The following SESTD1 variants were observed in gnomAD, a reference collection of about 807,000 sequenced individuals.
The protein encoded by SESTD1 is SEC14 domain and spectrin repeat-containing protein 1.
In SESTD1, 43 loss-of-function variants were observed where a neutral mutation model predicts 101.7. The ratio of observed to expected loss-of-function variants is 0.42; its 90% CI spans 0.33 to 0.55. The LOEUF (loss-of-function observed/expected upper bound fraction) is 0.55. Ranked by LOEUF, SESTD1 falls within the 20% of genes least tolerant of loss-of-function variation. The probability of loss-of-function intolerance (pLI) is 0.07; values close to 1 mark genes in which losing one functional copy is unlikely to be tolerated. For missense variants in SESTD1, 647 were observed against 815.1 expected (o/e 0.79, Z 2.51); for synonymous variants, 283 against 286.8 (o/e 0.99, Z 0.13).
intron 9 of SESTD1, among the ~76,000 whole-genome samples, chr2:179,140,593 CA>C (rs1392342340): frequency 6.6e-5 from 10 of 152,230 alleles, no homozygotes; most frequent in Admixed American, 1.3e-4. Flanking sequence ...CCTCGCAAAG[CA>C]ATACAACCCC....
chr2:179,175,052 A>G (rs1030259958), intron 4 of SESTD1, among the ~76,000 whole-genome samples: 5 of 152,212 alleles, frequency 3.3e-5, no homozygotes, highest in Admixed American at 1.3e-4. Context: ...CCACCTCAGC[A>G]GACACATGCC....
chr2:179,150,489 C>T (rs934015590), intron 6 of SESTD1, among the ~76,000 whole-genome samples: 29 of 151,682 alleles, frequency 1.9e-4, no homozygotes, highest in Admixed American at 1.9e-3. Context: ...TTTAAATATC[C>T]TCTGAAAATG....
chr2:179,111,397 A>G (rs1670251726), intron 17 of SESTD1, among the ~76,000 whole-genome samples: 2 of 152,220 alleles, frequency 1.3e-5, no homozygotes, highest in Non-Finnish European at 2.9e-5. Context: ...AGTACTTTAT[A>G]CTTATTTAGC....
chr2:179,194,055 T>C (rs1022887965), intron 1 of SESTD1, among the ~76,000 whole-genome samples: 20 of 152,208 alleles, frequency 1.3e-4, no homozygotes, highest in Admixed American at 1.2e-3. Flanking sequence ...ACTGGCTCTT[T>C]TGACATTTTG....
At position 179,126,942 on chromosome 2, in the gene SESTD1, C is replaced by G. The variant is rs78495393; in HGVS notation, c.973-2384G>C. ...CTAATGCCTCCATCTATCAGCCCCC[C>G]GCCTTCCATTTTCATTGCTAGTCTC... On this transcript the variant is annotated intron_variant, in intron 10 of 17. Coordinates refer to ENST00000428443, the MANE Select transcript of SESTD1 (RefSeq NM_178123.5). Among the ~76,000 whole-genome samples the G allele has an allele frequency of 8.5e-3, 1,299 of 152,288 alleles. 10 individuals carry two copies. The highest frequency in any genetic ancestry group is 0.029 in the African/African-American group (1,211 of 41,550).
At position 179,223,102 on chromosome 2, in the gene SESTD1, A is replaced by C. The variant is rs181924426; in HGVS notation, c.-25-31236T>G. Among the ~76,000 whole-genome samples the C allele has an allele frequency of 2.0e-3, 301 of 152,312 alleles. 1 individual carries two copies. Among genetic ancestry groups the C allele is most frequent in the African/African-American group, 6.7e-3 (279 of 41,564 alleles). The stretch of plus-strand genomic sequence containing the variant: ...CACATCCATATAATAGGATACCATT[A>C]GGCAATACAAATGAATGAAAACGCT... On this transcript the variant is annotated intron_variant, in intron 1 of 17. Coordinates refer to ENST00000428443, the MANE Select transcript of SESTD1 (RefSeq NM_178123.5).
chr2:179,234,942 C>CT (rs2047044893), intron 1 of SESTD1, among the ~76,000 whole-genome samples: 1 of 140,496 alleles, frequency 7.1e-6, no homozygotes, highest in Non-Finnish European at 1.5e-5. Flanking sequence ...GATCTCATCT[C>CT]TTTAAAAAAA....
In SESTD1 at chr2:179,154,968, G is replaced by A. The variant is rs112011865; in HGVS notation, c.370-3577C>T. ...CAATAATCAATCATATCAGCAATCC[G>A]TATTACTGATTTCTAGCTCACTGTA... On this transcript the variant is annotated intron_variant, in intron 5 of 17. Coordinates refer to ENST00000428443, the MANE Select transcript of SESTD1 (RefSeq NM_178123.5). Among the ~76,000 whole-genome samples the A allele has an allele frequency of 2.2e-3, 330 of 152,168 alleles. 6 individuals are homozygous for A. The highest frequency in any genetic ancestry group is 7.5e-3 in the African/African-American group (312 of 41,520).
At chr2:179,191,753 A>T (rs758284348) in intron 2 of SESTD1, 34 bp downstream of exon 2, 1 of 1,571,980 alleles carries the variant, frequency 6.4e-7, no homozygotes, top group South Asian at 1.1e-5. Context: ...AAGTTTGTAT[A>T]TCAAACACTT....
intron 9 of SESTD1, among the ~76,000 whole-genome samples, 160 bp from the exon 10 acceptor site, chr2:179,132,586 A>G (rs1322241324): frequency 1.3e-5 from 2 of 152,270 alleles, no homozygotes; most frequent in Non-Finnish European, 2.9e-5. Context: ...GGAACTACAC[A>G]GCTATAATGT....
intron 1 of SESTD1, among the ~76,000 whole-genome samples, chr2:179,198,646 G>C (rs888716353): frequency 2.0e-5 from 3 of 151,776 alleles, no homozygotes; most frequent in Admixed American, 6.6e-5. Flanking sequence ...TCAGGATTAA[G>C]AATCTCACTC....
At chr2:179,136,259 C>T (rs574206239) in intron 9 of SESTD1, among the ~76,000 whole-genome samples, 9 of 152,164 alleles carry the variant, frequency 5.9e-5, no homozygotes, top group Admixed American at 1.3e-4. Flanking sequence ...ATATGTAAGA[C>T]AGCACATTAA....
In SESTD1 at chr2:179,192,873, T is replaced by C. The variant is rs942891314; in HGVS notation, c.-25-1007A>G. Among the ~76,000 whole-genome samples, 4 of 152,292 alleles carry C rather than the reference T, an allele frequency of 2.6e-5. No homozygotes were observed. The South Asian group carries it at 8.3e-4, about 32-fold the overall frequency. The stretch of plus-strand genomic sequence containing the variant: ...TTATCCCTTCCTCCCCTATCCCATC[T>C]CACACCCACCCACCATCACAACACA... On this transcript the variant is annotated intron_variant, in intron 1 of 17. Transcript: ENST00000428443.
chr2:179,187,688 C>A (rs1343937512), intron 2 of SESTD1, among the ~76,000 whole-genome samples: 1 of 152,060 alleles, frequency 6.6e-6, no homozygotes, highest in East Asian at 1.9e-4. Context: ...AGAGACCCAT[C>A]TCACATGTAA....
At chr2:179,139,496 T>C (rs1366377404) in intron 9 of SESTD1, among the ~76,000 whole-genome samples, 1 of 152,250 alleles carries the variant, frequency 6.6e-6, no homozygotes, top group Non-Finnish European at 1.5e-5. Context: ...CAGTTTCACC[T>C]GCTTCCTCAT....
intron 1 of SESTD1, among the ~76,000 whole-genome samples, chr2:179,235,679 C>T (rs963627187): frequency 6.6e-6 from 1 of 152,180 alleles, no homozygotes; most frequent in East Asian, 1.9e-4. Flanking sequence ...TTTCCTGACT[C>T]CACTCACCCG....
At position 179,209,762 on chromosome 2, in the gene SESTD1, G is replaced by A. The variant is rs1373731716; in HGVS notation, c.-25-17896C>T. ...TAAATGCCTATTACATCAAAAAGTC[G>A]GAAAGTGCACAAATTGACAATCTAA... On this transcript the variant is annotated intron_variant, in intron 1 of 17. Transcript: ENST00000428443. 7.5e-5 allele frequency among the ~76,000 whole-genome samples: 10 copies of A among 132,976 alleles called. 2 individuals are homozygous for A. The highest frequency in any genetic ancestry group is 3.0e-4 in the African/African-American group (10 of 33,460). 87.2% of individuals were successfully genotyped at this position (132,976 alleles called of 152,430 possible).
intron 5 of SESTD1, chr2:179,162,530 C>A (rs762568085): frequency 5.9e-5 from 9 of 152,064 alleles, no homozygotes; most frequent in Non-Finnish European, 1.2e-4. Context: ...AAATAAAATT[C>A]ATCTATAAGA....
chr2:179,214,937 C>A (rs2046700381), intron 1 of SESTD1, among the ~76,000 whole-genome samples: 1 of 134,186 alleles, frequency 7.5e-6, no homozygotes, highest in Non-Finnish European at 1.6e-5. Context: ...TCTTTGAAAC[C>A]AATGAGAACA....
Sources: allele counts gnomAD v4.1 joint callset (sites outside exome capture counted in the v4.1 genomes callset), GRCh38; gene constraint gnomAD v4.1.1; transcripts MANE v1.5; gene names NCBI Gene and HGNC (gene_info 2026-07-23, HGNC 2026-07-21).